The following TIAM1 variants were observed in gnomAD, a reference collection of about 807,000 sequenced individuals.
TIAM1 encodes TIAM Rac1 associated GEF 1, also known as rho guanine nucleotide exchange factor TIAM1.
In TIAM1, 65 loss-of-function variants were observed where a neutral mutation model predicts 163.5. The observed-to-expected ratio is 0.40, with a 90% CI of 0.33 to 0.49. The LOEUF is 0.49. Ranked by LOEUF, TIAM1 falls within the 20% of genes least tolerant of loss-of-function variation. The pLI is 0.77. For synonymous variants in TIAM1, 833 were observed against 810.1 expected (o/e 1.03, Z -0.48); for missense variants, 1,789 against 2,044.7 (o/e 0.87, Z 2.41).
chr21:31,154,145 A>G (rs1034569639), intron 17 of TIAM1, 102 bp downstream of exon 17: 1 of 1,317,232 alleles, frequency 7.6e-7, no homozygotes, highest in Non-Finnish European at 1.0e-6. Context: ...GACGCTCTTC[A>G]TGAACACAGT....
At chr21:31,177,828 C>T (rs1026364020) in intron 15 of TIAM1, among the ~76,000 whole-genome samples, 1 of 152,196 alleles carries the variant, frequency 6.6e-6, no homozygotes, top group Non-Finnish European at 1.5e-5. Context: ...GTTTGTGAGA[C>T]TGTGGAGCTC....
intron 18 of TIAM1, 53 bp downstream of exon 18, chr21:31,153,013 A>G: frequency 6.5e-7 from 1 of 1,545,194 alleles, no homozygotes; most frequent in Non-Finnish European, 8.8e-7. Flanking sequence ...CTCTTTACCA[A>G]CAAGTCAAAC....
chr21:31,406,874 T>C (rs965215026), intron 2 of TIAM1, among the ~76,000 whole-genome samples: 48 of 152,208 alleles, frequency 3.2e-4, no homozygotes, highest in African/African-American at 1.1e-3. Flanking sequence ...TGCCATTAGA[T>C]GAGTTTTTTA....
chr21:31,242,267 C>A (rs143929738), intron 6 of TIAM1, among the ~76,000 whole-genome samples: 1 of 152,162 alleles, frequency 6.6e-6, no homozygotes, highest in Admixed American at 6.6e-5. Flanking sequence ...TGCCTGTAAT[C>A]CCAGCACTTT....
At chr21:31,477,463 G>C (rs1270817500) in intron 1 of TIAM1, among the ~76,000 whole-genome samples, 1 of 143,226 alleles carries the variant, frequency 7.0e-6, no homozygotes, top group South Asian at 2.2e-4. Flanking sequence ...TCAGGAAAGG[G>C]AACTAAATGC....
intron 2 of TIAM1, among the ~76,000 whole-genome samples, chr21:31,314,593 C>T (rs2833373): frequency 0.18 from 28,030 of 152,066 alleles, 2,604 homozygotes; most frequent in Middle Eastern, 0.21. Context: ...GCTTGGTTTA[C>T]TTTTTATCCT....
At chr21:31,352,283 G>A (rs1261132560) in intron 2 of TIAM1, among the ~76,000 whole-genome samples, 1 of 152,030 alleles carries the variant, frequency 6.6e-6, no homozygotes, top group Non-Finnish European at 1.5e-5. Context: ...GCTGCTACAT[G>A]GATGAACCTT....
chr21:31,468,721 A>C (rs1205510860), intron 1 of TIAM1, among the ~76,000 whole-genome samples: 1 of 152,086 alleles, frequency 6.6e-6, no homozygotes, highest in African/African-American at 2.4e-5. Flanking sequence ...ACTTGCAGTG[A>C]GCCGAGATGG....
intron 15 of TIAM1, among the ~76,000 whole-genome samples, chr21:31,177,647 C>G (rs938126683): frequency 1.1e-4 from 17 of 152,170 alleles, no homozygotes; most frequent in African/African-American, 3.6e-4. Context: ...GACTAAGTTC[C>G]AAATAACTTG....
chr21:31,458,104 G>A (rs1253653894), intron 2 of TIAM1, among the ~76,000 whole-genome samples: 2 of 152,286 alleles, frequency 1.3e-5, no homozygotes, highest in African/African-American at 4.8e-5. Context: ...CACACTGTGG[G>A]CTACCCTAAC....
chr21:31,492,926 T>C (rs1206647770), intron 1 of TIAM1, among the ~76,000 whole-genome samples: 2 of 152,072 alleles, frequency 1.3e-5, no homozygotes, highest in Non-Finnish European at 2.9e-5. Flanking sequence ...GAATAAATAA[T>C]TTTTTAAGGT....
intron 1 of TIAM1, among the ~76,000 whole-genome samples, chr21:31,550,449 G>A (rs541203912): frequency 1.3e-5 from 2 of 152,274 alleles, no homozygotes; most frequent in East Asian, 3.9e-4. Flanking sequence ...CATGGTGACA[G>A]AAAGTAGATT....
At chr21:31,226,281 G>A (rs1292523565) in intron 6 of TIAM1, among the ~76,000 whole-genome samples, 1 of 152,196 alleles carries the variant, frequency 6.6e-6, no homozygotes. Flanking sequence ...TTGCTGTGAA[G>A]CAAAGGTCAG....
chr21:31,131,725 A>G (rs2082418064), intron 23 of TIAM1, among the ~76,000 whole-genome samples: 3 of 152,168 alleles, frequency 2.0e-5, no homozygotes, highest in Admixed American at 6.5e-5. Flanking sequence ...CTATGGTCCA[A>G]ATGTTTGTGT....
chr21:31,461,321 T>C (rs912593582), intron 2 of TIAM1, among the ~76,000 whole-genome samples: 2 of 151,946 alleles, frequency 1.3e-5, no homozygotes, highest in African/African-American at 2.4e-5. Context: ...CCGTCTCTAC[T>C]AAAAATGCAA....
chr21:31,329,155 A>G (rs1166278224), intron 2 of TIAM1, among the ~76,000 whole-genome samples: 3 of 152,076 alleles, frequency 2.0e-5, no homozygotes, highest in Non-Finnish European at 4.4e-5. Context: ...CCTGGAACGA[A>G]CCCCCCACAA....
At chr21:31,503,164 G>A (rs995106252) in intron 1 of TIAM1, among the ~76,000 whole-genome samples, 2 of 152,024 alleles carry the variant, frequency 1.3e-5, no homozygotes, top group African/African-American at 4.8e-5. Flanking sequence ...GGAGGCTGCG[G>A]CGGGTGGGTC....
rs143707356 is a variant in TIAM1 at position 31,225,915 on chromosome 21, G to A, written c.1620C>T (p.Thr540=). ...TSQTELENWI[T]AIHSACATAV... is the part of the protein sequence containing the mutation. ...CAGTGGCGCAGGCAGAGTGGATGGCGGTGATCCAGTTTTCAAGCTCCGTCT... is the reference window on the plus strand; with the variant it reads ...CAGTGGCGCAGGCAGAGTGGATGGCAGTGATCCAGTTTTCAAGCTCCGTCT... Residue 540 remains threonine (T), a synonymous_variant, in exon 7 of 28, where the codon ACC becomes ACT. Coordinates refer to ENST00000541036, the MANE Select transcript of TIAM1 (RefSeq NM_001353694.2). 1.2e-4 allele frequency: 189 copies of A among 1,614,118 alleles called. No individual in the cohort carries two copies. In the African/African-American group the frequency reaches 1.8e-3, roughly 15 times the overall value.
chr21:31,548,132 CTTTTTTT>C (rs553946414), intron 1 of TIAM1, among the ~76,000 whole-genome samples: 1 of 75,002 alleles, frequency 1.3e-5, no homozygotes, highest in Non-Finnish European at 2.4e-5. Flanking sequence ...TTATTTGTGT[CTTTTTTT>C]TTTTTTTTTT....
Sources: gnomAD v4.1 joint callset for allele counts (sites outside exome capture counted in the v4.1 genomes callset) on GRCh38, gnomAD v4.1.1 for gene constraint, MANE v1.5 for transcripts, NCBI Gene and HGNC (gene_info 2026-07-23, HGNC 2026-07-21) for gene names.